The following PVT1 variants were observed in gnomAD, a reference collection of about 807,000 sequenced individuals.
PVT1 encodes the protein Pvt1 oncogene, also known as CXCR4/PVT1 fusion.
chr8:128,044,421 C>T (rs1037871802), intron 4 of PVT1, among the ~76,000 whole-genome samples: 3 of 152,144 alleles, frequency 2.0e-5, no homozygotes, highest in African/African-American at 7.2e-5. Context: ...TTGTTAAATG[C>T]ATAAGTCTCT....
chr8:127,918,435 T>A (rs554446655), intron 3 of PVT1, among the ~76,000 whole-genome samples: 72 of 152,324 alleles, frequency 4.7e-4, no homozygotes, highest in Non-Finnish European at 9.1e-4. Context: ...TCCTCATTTG[T>A]CAGTGGGAAT....
chr8:127,986,318 C>A (rs1304369701), intron 3 of PVT1, among the ~76,000 whole-genome samples: 1 of 152,154 alleles, frequency 6.6e-6, no homozygotes, highest in Non-Finnish European at 1.5e-5. Context: ...CCTTGGCACT[C>A]AGGCTCTTCA....
At chr8:127,877,942 C>G (rs928886103) in intron 2 of PVT1, among the ~76,000 whole-genome samples, 4 of 151,942 alleles carry the variant, frequency 2.6e-5, no homozygotes, top group African/African-American at 9.7e-5. Flanking sequence ...ACAACAACCC[C>G]CCTCCCCCAC....
At chr8:127,966,396 C>A (rs866117861) in intron 3 of PVT1, among the ~76,000 whole-genome samples, 4 of 152,318 alleles carry the variant, frequency 2.6e-5, no homozygotes, top group South Asian at 2.1e-4. Context: ...TTAGAAAAAA[C>A]CCCACACTAG....
intron 2 of PVT1, among the ~76,000 whole-genome samples, chr8:127,842,668 ACTC>A (rs906768647): frequency 4.6e-5 from 7 of 151,914 alleles, no homozygotes; most frequent in Non-Finnish European, 2.9e-5. Context: ...TCATCTGTCC[ACTC>A]CTCCAAAGAG....
At chr8:127,868,865 G>A (rs1815321797) in intron 2 of PVT1, among the ~76,000 whole-genome samples, 3 of 106,466 alleles carry the variant, frequency 2.8e-5, no homozygotes, top group African/African-American at 1.1e-4. Context: ...CAGACTTTAA[G>A]AATTACTTAA....
intron 2 of PVT1, among the ~76,000 whole-genome samples, chr8:127,868,106 G>A (rs558006955): frequency 6.6e-6 from 1 of 152,170 alleles, no homozygotes; most frequent in Admixed American, 6.5e-5. Context: ...CCTTCTAGAA[G>A]CTAGGTAACT....
At chr8:128,014,741 A>G (rs1216915942) in intron 4 of PVT1, among the ~76,000 whole-genome samples, 1 of 152,208 alleles carries the variant, frequency 6.6e-6, no homozygotes, top group Non-Finnish European at 1.5e-5. Flanking sequence ...ATTGAAATTG[A>G]AGTTCTAGAT....
chr8:128,057,935 G>A (rs1474974366), intron 4 of PVT1, among the ~76,000 whole-genome samples: 2 of 152,172 alleles, frequency 1.3e-5, no homozygotes, highest in African/African-American at 4.8e-5. Context: ...ATGGATACCA[G>A]AAGGTCTTCC....
At chr8:127,980,646 G>T (rs1816872651) in intron 3 of PVT1, among the ~76,000 whole-genome samples, 2 of 152,158 alleles carry the variant, frequency 1.3e-5, no homozygotes, top group African/African-American at 4.8e-5. Flanking sequence ...ACTCCCAGGA[G>T]CCTGGAACTT....
intron 2 of PVT1, among the ~76,000 whole-genome samples, chr8:127,810,772 G>T (rs564472703): frequency 1.3e-5 from 2 of 152,126 alleles, no homozygotes; most frequent in Non-Finnish European, 2.9e-5. Context: ...ACAGGATTTT[G>T]TCTCTTTCCC....
chr8:127,845,142 C>T (rs1815018064), intron 2 of PVT1, among the ~76,000 whole-genome samples: 1 of 152,092 alleles, frequency 6.6e-6, no homozygotes. Context: ...TAGAATTTAG[C>T]CCTTTGCAGG....
chr8:127,890,501 G>T (rs1282613639), intron 2 of PVT1: 1 of 152,226 alleles, frequency 6.6e-6, no homozygotes, highest in Non-Finnish European at 1.5e-5. Context: ...ACTCTGTTAG[G>T]GCCAAACACA....
intron 2 of PVT1, among the ~76,000 whole-genome samples, chr8:127,862,112 A>T (rs867047878): frequency 7.9e-5 from 12 of 152,302 alleles, no homozygotes; most frequent in South Asian, 2.1e-4. Context: ...TTTTAAAAAA[A>T]TTTTAACTTT....
intron 4 of PVT1, among the ~76,000 whole-genome samples, chr8:128,014,904 C>T (rs1817354288): frequency 6.6e-6 from 1 of 152,106 alleles, no homozygotes; most frequent in African/African-American, 2.4e-5. Context: ...TAGCATGCCA[C>T]AAGCTGGGTG....
At chr8:127,952,635 T>C (rs980443424) in intron 3 of PVT1, among the ~76,000 whole-genome samples, 3 of 152,242 alleles carry the variant, frequency 2.0e-5, no homozygotes, top group Non-Finnish European at 4.4e-5. Context: ...CCATTGGCTT[T>C]ATAGTCATAC....
intron 5 of PVT1, among the ~76,000 whole-genome samples, chr8:128,073,425 A>T (rs903424735): frequency 2.6e-5 from 4 of 151,728 alleles, no homozygotes; most frequent in African/African-American, 9.7e-5. Flanking sequence ...AGAATCACAC[A>T]CCTGGGAGAT....
At chr8:127,986,593 C>T (rs2129991417) in intron 3 of PVT1, among the ~76,000 whole-genome samples, 1 of 152,286 alleles carries the variant, frequency 6.6e-6, no homozygotes, top group South Asian at 2.1e-4. Context: ...CCCTGTTTCT[C>T]CCACCAATTA....
chr8:127,932,684 T>TA (rs1816222279), intron 3 of PVT1: 5 of 394,248 alleles, frequency 1.3e-5, no homozygotes, highest in Non-Finnish European at 2.2e-5. Context: ...TAATAAAAAA[T>TA]AAAAAATAAA....
Sources: allele counts gnomAD v4.1 joint callset (sites outside exome capture counted in the v4.1 genomes callset), GRCh38; gene constraint gnomAD v4.1.1; transcripts MANE v1.5; gene names NCBI Gene and HGNC (gene_info 2026-07-23, HGNC 2026-07-21).